Variants in USP47 observed in about 807,000 individuals in gnomAD.
The protein encoded by USP47 is ubiquitin carboxyl-terminal hydrolase 47.
Under a neutral mutation model 165.1 loss-of-function variants are expected in USP47, and 35 were observed. The observed-to-expected ratio is 0.21, with a 90% CI of 0.16 to 0.28. The LOEUF (loss-of-function observed/expected upper bound fraction) is 0.28. USP47 is among the 10% of genes least tolerant of loss of function. The probability of loss-of-function intolerance (pLI) is 1.00; values close to 1 mark genes in which losing one functional copy is unlikely to be tolerated. For missense variants in USP47, 1,277 were observed against 1,607.4 expected (o/e 0.79, Z 3.52); for synonymous variants, 531 against 544.5 (o/e 0.98, Z 0.35).
chr11:11,949,860 G>A (rs747818866), intron 22 of USP47, 29 bp from the exon 23 acceptor site: 1 of 1,469,532 alleles, frequency 6.8e-7, no homozygotes, highest in Admixed American at 1.7e-5. Flanking sequence ...TATAATTCAA[G>A]CTCTGATTGT....
chr11:11,857,137 A>G (rs1485321861), intron 1 of USP47, among the ~76,000 whole-genome samples: 1 of 140,576 alleles, frequency 7.1e-6, no homozygotes, highest in Non-Finnish European at 1.5e-5. Context: ...GGTTGCATTA[A>G]TAAGTAGAAT....
At chr11:11,880,156 A>G in intron 1 of USP47, 21 bp from the exon 2 acceptor site, 1 of 1,438,932 alleles carries the variant, frequency 6.9e-7, no homozygotes, top group Non-Finnish European at 9.1e-7. Context: ...ATATAAAGTC[A>G]TATTTTTCTT....
At chr11:11,911,336 GA>G (rs1285310529) in intron 8 of USP47, among the ~76,000 whole-genome samples, 5 of 152,158 alleles carry the variant, frequency 3.3e-5, no homozygotes, top group South Asian at 2.1e-4. Flanking sequence ...TAAGGAAAAA[GA>G]AGGCAGGCAC....
At chr11:11,948,444 A>ACAG in intron 21 of USP47, 34 bp from the exon 22 acceptor site, 1 of 1,553,096 alleles carries the variant, frequency 6.4e-7, no homozygotes, top group African/African-American at 1.4e-5. Flanking sequence ...TTCTGCTGAG[A>ACAG]CAGCATGTCT....
intron 1 of USP47, among the ~76,000 whole-genome samples, 156 bp from the exon 2 acceptor site, chr11:11,880,021 C>T (rs1228916137): frequency 2.0e-5 from 3 of 152,058 alleles, no homozygotes; most frequent in Non-Finnish European, 2.9e-5. Context: ...CATTAGAATG[C>T]GTTTCAGACT....
rs764321038 is a variant in USP47, at chr11:11,950,352, T to C, written c.3465-12T>C. On this transcript the variant is annotated splice_polypyrimidine_tract_variant and intron_variant, in intron 23 of 27. Transcript: ENST00000527733. ...AATTATAGTCGTTTTAAATGTCTTA[T>C]CACATTTGTAGGTTTCGTCTAAGGA... The C allele has an allele frequency of 1.1e-5, 16 of 1,520,620 alleles. No homozygotes were observed. Among genetic ancestry groups the C allele is most frequent in the Non-Finnish European group, 1.2e-5 (13 of 1,119,156 alleles). 94.2% of individuals were successfully genotyped at this position (1,520,620 alleles called of 1,614,324 possible).
In USP47 at chr11:11,861,117, C is replaced by T. The variant is rs186528222; in HGVS notation, c.39+18893C>T. On this transcript the variant is annotated intron_variant, in intron 1 of 27. Coordinates refer to ENST00000527733, the MANE Select transcript of USP47 (RefSeq NM_001282659.2). The stretch of plus-strand genomic sequence containing the variant: ...TTTTATTTTATTTTATTTTTTGAGA[C>T]GGAGTCCCGCTCTGTCGCCCAAGCT... Among the ~76,000 whole-genome samples, 173 of 151,992 alleles carry T rather than the reference C, an allele frequency of 1.1e-3. No individual in the cohort carries two copies. In the Middle Eastern group the frequency reaches 0.014, roughly 12 times the overall value.
intron 10 of USP47, among the ~76,000 whole-genome samples, chr11:11,922,071 T>C (rs985131229): frequency 6.6e-6 from 1 of 152,002 alleles, no homozygotes; most frequent in Admixed American, 6.6e-5. Flanking sequence ...ATAAAAACAT[T>C]TTTAGAGATG....
At chr11:11,860,797 C>T (rs948908507) in intron 1 of USP47, among the ~76,000 whole-genome samples, 1 of 152,094 alleles carries the variant, frequency 6.6e-6, no homozygotes, top group Non-Finnish European at 1.5e-5. Flanking sequence ...AGTTTAGATA[C>T]CTACAGTATA....
intron 1 of USP47, among the ~76,000 whole-genome samples, chr11:11,871,418 GCT>G (rs1850037378): frequency 9.1e-5 from 13 of 142,862 alleles, no homozygotes; most frequent in Admixed American, 2.3e-4. Context: ...CAGGAGAATT[GCT>G]TGAACCCAGG....
intron 3 of USP47, among the ~76,000 whole-genome samples, chr11:11,890,203 G>T (rs1275239237): frequency 2.0e-5 from 3 of 152,098 alleles, no homozygotes; most frequent in Admixed American, 1.3e-4. Context: ...TTGACAAATG[G>T]ATCTAATTAA....
Position 11,842,085 on chromosome 11 carries a change from C to T in USP47, c.-101C>T, listed in dbSNP as rs944630338. On this transcript the variant is annotated 5_prime_UTR_variant, in exon 1 of 28. Transcript: ENST00000527733. Reference sequence around the variant, plus strand: ...TCCGCTATTGCTGGAGCGCAGGCGGCGGAGAGGATGACTGCCGCTGCCATT... The same window carrying T: ...TCCGCTATTGCTGGAGCGCAGGCGGTGGAGAGGATGACTGCCGCTGCCATT... The T allele has an allele frequency of 3.1e-5, 44 of 1,414,082 alleles. No homozygotes were observed. The highest frequency in any genetic ancestry group is 4.2e-5 in the Non-Finnish European group (44 of 1,039,366). The allele number at this position is 1,414,082 out of a possible 1,614,324, so 87.6% of individuals were successfully genotyped here.
At chr11:11,926,449 G>A (rs190648808) in intron 11 of USP47, among the ~76,000 whole-genome samples, 13 of 151,836 alleles carry the variant, frequency 8.6e-5, no homozygotes, top group Admixed American at 7.2e-4. Context: ...TTTCTTCTAG[G>A]GTATCCAATT....
At chr11:11,866,310 G>T (rs1255132019) in intron 1 of USP47, among the ~76,000 whole-genome samples, 1 of 152,150 alleles carries the variant, frequency 6.6e-6, no homozygotes, top group Non-Finnish European at 1.5e-5. Context: ...CAAAGGGGTG[G>T]TGGTCAGGAT....
intron 3 of USP47, among the ~76,000 whole-genome samples, chr11:11,890,814 A>C (rs952103001): frequency 6.6e-6 from 1 of 152,224 alleles, no homozygotes; most frequent in Non-Finnish European, 1.5e-5. Context: ...TATACACCAC[A>C]GAATACTATG....
At chr11:11,878,622 A>G (rs972352800) in intron 1 of USP47, 2 of 152,064 alleles carry the variant, frequency 1.3e-5, no homozygotes, top group African/African-American at 4.8e-5. Context: ...TTTATTTCAC[A>G]GAAATGTATT....
chr11:11,952,906 TTGTATA>T (rs1414278705), intron 25 of USP47, 35 bp downstream of exon 25: 32 of 1,484,582 alleles, frequency 2.2e-5, no homozygotes, highest in Non-Finnish European at 2.8e-5. Flanking sequence ...GTATCTTATG[TTGTATA>T]TGTATATCAT....
At chr11:11,866,713 A>G (rs1001824425) in intron 1 of USP47, among the ~76,000 whole-genome samples, 2 of 151,866 alleles carry the variant, frequency 1.3e-5, no homozygotes. Flanking sequence ...TGCATTCCTG[A>G]TAGATATTTT....
intron 24 of USP47, chr11:11,950,736 G>A (rs1163250423): frequency 4.5e-6 from 1 of 222,030 alleles, no homozygotes; most frequent in African/African-American, 2.3e-5. Context: ...AATAATCAGT[G>A]TCTTTCAGCC....
Sources: gnomAD v4.1 joint callset for allele counts (sites outside exome capture counted in the v4.1 genomes callset) on GRCh38, gnomAD v4.1.1 for gene constraint, MANE v1.5 for transcripts, NCBI Gene and HGNC (gene_info 2026-07-23, HGNC 2026-07-21) for gene names.